The following MYEF2 variants were observed in gnomAD, a reference collection of about 807,000 sequenced individuals.
MYEF2 encodes the protein myelin gene expression factor 2.
Under a neutral mutation model 75.2 loss-of-function variants are expected in MYEF2, and 37 were observed. The observed-to-expected ratio is 0.49, with a 90% CI of 0.38 to 0.65. The LOEUF (loss-of-function observed/expected upper bound fraction) is 0.65, where lower values mean the gene tolerates loss of function less well. Ranked by LOEUF, MYEF2 falls within the 30% of genes least tolerant of loss-of-function variation. MYEF2 has a pLI of 0.00. For synonymous variants in MYEF2, 195 were observed against 241.6 expected (o/e 0.81, Z 1.79); for missense variants, 634 against 771.4 (o/e 0.82, Z 2.11).
At position 48,138,905 on chromosome 15, in the gene MYEF2, T is replaced by C. The variant is rs562132653; in HGVS notation, c.*4003A>G. ...ATTTATTTCAATATAACTTTCTAAA[T>C]AGGCATTTCTAACTTAATTAGCCAT... is the stretch of plus-strand genomic sequence containing the variant. On this transcript the variant is annotated 3_prime_UTR_variant, in exon 17 of 17. Coordinates refer to ENST00000324324, the MANE Select transcript of MYEF2 (RefSeq NM_016132.5). The C allele has an allele frequency of 6.7e-6, 8 of 1,186,816 alleles. No individual in the cohort carries two copies. The highest frequency in any genetic ancestry group is 2.2e-5 in the Admixed American group (1 of 46,168). The allele number at this position is 1,186,816 out of a possible 1,614,324, so 73.5% of individuals were successfully genotyped here.
In MYEF2 at chr15:48,137,101, C is replaced by A. The variant is rs1050241521; in HGVS notation, c.*5807G>T. ...CTCAGAAATGATAAAGACCAAGTCCCTACCTTTAAGGAACTTCCAATATCA... is the reference window on the plus strand; with the variant it reads ...CTCAGAAATGATAAAGACCAAGTCCATACCTTTAAGGAACTTCCAATATCA... On this transcript the variant is annotated 3_prime_UTR_variant, in exon 17 of 17. Transcript: ENST00000324324. 40 of 895,410 alleles carry A rather than the reference C, an allele frequency of 4.5e-5. No homozygotes were observed. The highest frequency in any genetic ancestry group is 6.4e-5 in the Non-Finnish European group (39 of 610,170). 55.5% of individuals were successfully genotyped at this position (895,410 alleles called of 1,614,324 possible).
intron 1 of MYEF2, among the ~76,000 whole-genome samples, 175 bp downstream of exon 1, chr15:48,177,902 C>T (rs1477433246): frequency 2.0e-5 from 3 of 152,074 alleles, no homozygotes; most frequent in Non-Finnish European, 4.4e-5. Flanking sequence ...CTGGGGCGGG[C>T]GGGGAAGGGC....
intron 1 of MYEF2, 43 bp from the exon 2 acceptor site, chr15:48,168,882 T>A: frequency 6.3e-6 from 9 of 1,438,170 alleles, no homozygotes; most frequent in Non-Finnish European, 8.6e-6. Flanking sequence ...CCCTCAGTTG[T>A]GCTTATAAGA....
At position 48,142,155 on chromosome 15, in the gene MYEF2, G is replaced by C. The variant is rs565338261; in HGVS notation, c.*753C>G. 7 of 1,613,838 alleles carry C rather than the reference G, an allele frequency of 4.3e-6. No homozygotes were observed. In the South Asian group the frequency reaches 7.7e-5, roughly 18 times the overall value. On this transcript the variant is annotated 3_prime_UTR_variant, in exon 17 of 17. Transcript: ENST00000324324. ...TCAGCTCCTGCAGAAGTAAACAGCA[G>C]AGGACTAACTTACATAACCATCTCT...
Position 48,175,515 on chromosome 15 carries a change from G to A in MYEF2, c.161+2562C>T, listed in dbSNP as rs557095416. Among the ~76,000 whole-genome samples the A allele has an allele frequency of 6.6e-5, 10 of 152,210 alleles. No homozygotes were observed. The South Asian group carries it at 1.5e-3, about 22-fold the overall frequency. On this transcript the variant is annotated intron_variant, in intron 1 of 16. Coordinates refer to ENST00000324324, the MANE Select transcript of MYEF2 (RefSeq NM_016132.5). ...CGAGGTAACAGATACGTTAATTAGC[G>A]TGATTGTGGTAATCATTTCACAATT...
intron 1 of MYEF2, among the ~76,000 whole-genome samples, chr15:48,175,291 AG>A (rs551605438): frequency 3.2e-4 from 49 of 152,288 alleles, no homozygotes; most frequent in African/African-American, 1.0e-3. Context: ...AGAGAGTAGA[AG>A]GGTGTTTACC....
rs1246456455 is a variant in MYEF2, at chr15:48,152,236, C to T, written c.1136G>A (p.Gly379Glu). The T allele has an allele frequency of 6.2e-7, 1 of 1,610,802 alleles. No individual in the cohort carries two copies. ...PGFGGMNRIG[G>E]GIGFGGLEAM... ...AAAAAACAAATCTTTATACATACCT[C>T]CTCCAATTCTATTCATTCCTCCAAA... The change falls in exon 11 of 17, where the codon GGA (glycine) becomes GAA (glutamate). Residue 379 changes from glycine to glutamate, a missense_variant and splice_region_variant. Coordinates refer to ENST00000324324, the MANE Select transcript of MYEF2 (RefSeq NM_016132.5).
Position 48,139,011 on chromosome 15 carries a change from G to C in MYEF2, c.*3897C>G, listed in dbSNP as rs777788775. 1 of 1,612,854 alleles carries C rather than the reference G, an allele frequency of 6.2e-7. No homozygotes were observed. The highest frequency in any genetic ancestry group is 1.7e-5 in the Admixed American group (1 of 59,974). On this transcript the variant is annotated 3_prime_UTR_variant, in exon 17 of 17. Coordinates refer to ENST00000324324, the MANE Select transcript of MYEF2 (RefSeq NM_016132.5). ...AACATGCCTGAAGCAGACTTAAAAAGAATTTTTTGGGTATTATCCCTTCCT... is the reference window on the plus strand; with the variant it reads ...AACATGCCTGAAGCAGACTTAAAAACAATTTTTTGGGTATTATCCCTTCCT...
intron 6 of MYEF2, 130 bp downstream of exon 6, chr15:48,159,483 T>G: frequency 1.3e-6 from 1 of 745,864 alleles, no homozygotes; most frequent in Non-Finnish European, 2.2e-6. Context: ...GATTTTGAGT[T>G]TACAATAATT....
intron 1 of MYEF2, among the ~76,000 whole-genome samples, chr15:48,174,189 A>G (rs951506635): frequency 1.3e-5 from 2 of 152,136 alleles, no homozygotes; most frequent in Non-Finnish European, 2.9e-5. Context: ...CATCCCCAAT[A>G]TATGGTAAAC....
intron 1 of MYEF2, 41 bp from the exon 2 acceptor site, chr15:48,168,880 T>A: frequency 6.9e-7 from 1 of 1,456,290 alleles, no homozygotes; most frequent in Non-Finnish European, 9.5e-7. Flanking sequence ...AACCCTCAGT[T>A]GTGCTTATAA....
rs765678133 is a variant in MYEF2 at position 48,165,962 on chromosome 15, G to C, written c.496C>G (p.Leu166Val). ...KALETMNKYD[L>V]SGRPLNIKED... ...TTAATATTAAGGGGTCTTCCACTAA[G>C]ATCATATTTGTTCATAGTTTCTAGG... Residue 166 changes from leucine (L) to valine (V), a missense_variant, in exon 5 of 17, where the codon CTT (leucine) becomes GTT (valine). Leu to Val is a conservative substitution (Grantham distance 32). Coordinates refer to ENST00000324324, the MANE Select transcript of MYEF2 (RefSeq NM_016132.5). 3.8e-6 allele frequency: 6 copies of C among 1,590,390 alleles called. 1 individual carries two copies. The East Asian group carries it at 6.7e-5, about 18-fold the overall frequency.
Position 48,151,572 on chromosome 15 carries a change from C to A in MYEF2, c.1208-1G>T. 1 of 1,600,154 alleles carries A rather than the reference C, an allele frequency of 6.2e-7. No homozygotes were observed. ...CTAGTCATCGCACCACGGTACAGCT[C>A]TGAAAAAATTGTGCAACAAATTAAC... On this transcript the variant is annotated splice_acceptor_variant, in intron 12 of 16. Coordinates refer to ENST00000324324, the MANE Select transcript of MYEF2 (RefSeq NM_016132.5). LOFTEE classifies it high-confidence loss of function.
chr15:48,142,978 G>A lies in MYEF2; in HGVS notation c.1733C>T (p.Ala578Val). The A allele has an allele frequency of 6.2e-7, 1 of 1,602,414 alleles. No homozygotes were observed. Among genetic ancestry groups the A allele is most frequent in the Non-Finnish European group, 8.5e-7 (1 of 1,175,082 alleles). Reference protein sequence around the residue: ...RFDSPESAEKACRIMNGIKIS... With the variant: ...RFDSPESAEKVCRIMNGIKIS... Reference sequence around the variant, plus strand: ...TTTTATGCCATTCATTATTCTGCAGGCTTTTTCAGCTGATTCTGGGGAGTC... The same window carrying A: ...TTTTATGCCATTCATTATTCTGCAGACTTTTTCAGCTGATTCTGGGGAGTC... Residue 578 changes from alanine to valine, a missense_variant, in exon 17 of 17, where the codon GCC becomes GTC. Ala to Val is a moderately conservative substitution (Grantham distance 64, BLOSUM62 0). Transcript: ENST00000324324.
Position 48,136,556 on chromosome 15 carries a change from T to A in MYEF2, c.*6352A>T, listed in dbSNP as rs2038904938. 5 of 866,620 alleles carry A rather than the reference T, an allele frequency of 5.8e-6. 1 individual carries two copies. In the South Asian group the frequency reaches 1.1e-4, roughly 19 times the overall value. The allele number at this position is 866,620 out of a possible 1,614,324, so 53.7% of individuals were successfully genotyped here. On this transcript the variant is annotated 3_prime_UTR_variant, in exon 17 of 17. Coordinates refer to ENST00000324324, the MANE Select transcript of MYEF2 (RefSeq NM_016132.5). Reference sequence around the variant, plus strand: ...GGACAAATCTACAAAACAAAAAATATCTAGAAATGTTTGATTGTTCTATGG... The same window carrying A: ...GGACAAATCTACAAAACAAAAAATAACTAGAAATGTTTGATTGTTCTATGG...
Position 48,138,080 on chromosome 15 carries a change from TAA to T in MYEF2, c.*4826_*4827del, listed in dbSNP as rs2038946367. On this transcript the variant is annotated 3_prime_UTR_variant, in exon 17 of 17. Coordinates refer to ENST00000324324, the MANE Select transcript of MYEF2 (RefSeq NM_016132.5). ...GTATAAGAGGTATGCCTCTCCAAATTAAGTTTATAATAAGAAACGCAAAAGAA... is the reference window on the plus strand; with the variant it reads ...GTATAAGAGGTATGCCTCTCCAAATTGTTTATAATAAGAAACGCAAAAGAA... The T allele has an allele frequency of 6.6e-6, 1 of 152,088 alleles. No individual in the cohort carries two copies. The allele number at this position is 152,088 out of a possible 1,614,324, so 9.4% of individuals were successfully genotyped here. A position where few individuals can be genotyped will look rare whatever the true frequency, so the allele number is the denominator to read the frequency against.
At chr15:48,152,064 T>A in intron 11 of MYEF2, 122 bp from the exon 12 acceptor site, 1 of 1,168,888 alleles carries the variant, frequency 8.6e-7, no homozygotes, top group Non-Finnish European at 1.3e-6. Flanking sequence ...AGCTACTTCT[T>A]AACACATCAC....
At chr15:48,169,649 G>A (rs1040580780) in intron 1 of MYEF2, among the ~76,000 whole-genome samples, 2 of 150,052 alleles carry the variant, frequency 1.3e-5, no homozygotes, top group African/African-American at 4.9e-5. Context: ...CCAGGCTGGA[G>A]TGCAGTGGTG....
rs1252553667 is a variant in MYEF2, at chr15:48,138,780, A to C, written c.*4128T>G. 4 of 562,452 alleles carry C rather than the reference A, an allele frequency of 7.1e-6. No individual in the cohort carries two copies. Among genetic ancestry groups the C allele is most frequent in the Admixed American group, 3.1e-5 (1 of 31,900 alleles). 34.8% of individuals were successfully genotyped at this position (562,452 alleles called of 1,614,324 possible). On this transcript the variant is annotated 3_prime_UTR_variant, in exon 17 of 17. Coordinates refer to ENST00000324324, the MANE Select transcript of MYEF2 (RefSeq NM_016132.5). The stretch of plus-strand genomic sequence containing the variant: ...AGAAATGCGGAGTATCACATCTTAC[A>C]TTGTCTGCCCTAAAGTTTCAATTAG...
Sources: gnomAD v4.1 joint callset for allele counts (sites outside exome capture counted in the v4.1 genomes callset) on GRCh38, gnomAD v4.1.1 for gene constraint, MANE v1.5 for transcripts, NCBI Gene and HGNC (gene_info 2026-07-23, HGNC 2026-07-21) for gene names.